The following ACER1 variants were observed in gnomAD, a reference collection of about 807,000 sequenced individuals.
ACER1 encodes the protein CTB-180A7.3.
A neutral mutation model predicts 24.9 loss-of-function variants in ACER1; 28 were observed. The ratio of observed to expected loss-of-function variants is 1.13; its 90% CI spans 0.83 to 1.54. The LOEUF is 1.54. Among genes scored for constraint, ACER1 ranks in the 40% most tolerant of loss-of-function variants. The probability of loss-of-function intolerance (pLI) is 0.00; values close to 1 mark genes in which losing one functional copy is unlikely to be tolerated. For missense variants in ACER1, 352 were observed against 349.3 expected, an observed-to-expected ratio of 1.01 and a Z score of -0.06; for synonymous variants, 132 against 131.4, an observed-to-expected ratio of 1.00 and a Z score of -0.03.
the ACER1 span, among the ~76,000 whole-genome samples, chr19:6,359,518 G>C: frequency 6.6e-6 from 1 of 151,928 alleles, no homozygotes; most frequent in Non-Finnish European, 1.5e-5. Flanking sequence ...GAGTTTCACT[G>C]TGTTGGTCAG....
the ACER1 span, among the ~76,000 whole-genome samples, chr19:6,347,218 CTTTT>C: frequency 7.6e-6 from 1 of 132,208 alleles, no homozygotes; most frequent in Non-Finnish European, 1.5e-5. Context: ...CTTTTCTTTT[CTTTT>C]TCTTTTTTTT....
At chr19:6,316,120 T>C (rs1402266385) in intron 1 of ACER1, among the ~76,000 whole-genome samples, 2 of 151,616 alleles carry the variant, frequency 1.3e-5, no homozygotes, top group African/African-American at 4.8e-5. Flanking sequence ...AGAACGAGAC[T>C]CCGTCTCAAA....
At chr19:6,313,137 A>C (rs1247822888) in intron 1 of ACER1, among the ~76,000 whole-genome samples, 2 of 151,834 alleles carry the variant, frequency 1.3e-5, no homozygotes, top group African/African-American at 2.4e-5. Flanking sequence ...TTTATTTTAC[A>C]GTCAGGATCT....
the ACER1 span, among the ~76,000 whole-genome samples, chr19:6,342,687 C>A: frequency 6.6e-6 from 1 of 151,394 alleles, no homozygotes; most frequent in Non-Finnish European, 1.5e-5. Context: ...CCACTGCACT[C>A]CAGTCTGAGC....
chr19:6,317,757 T>C (rs933091168), intron 1 of ACER1, among the ~76,000 whole-genome samples: 1 of 152,234 alleles, frequency 6.6e-6, no homozygotes, highest in East Asian at 1.9e-4. Context: ...TTTGTTTTTG[T>C]GTTTTTTTTC....
At chr19:6,345,898 A>T in the ACER1 span, among the ~76,000 whole-genome samples, 148,084 of 150,536 alleles carry the variant, frequency 0.98, 72,833 homozygotes, top group East Asian at 1. Flanking sequence ...TAATAATAAT[A>T]ATTATTATTA....
At chr19:6,335,426 T>C (rs1045505003), upstream of ACER1, among the ~76,000 whole-genome samples, 2 of 151,820 alleles carry the variant, frequency 1.3e-5, no homozygotes, top group African/African-American at 4.8e-5. Context: ...GGTTTCACCA[T>C]ATTGACCAGG....
intron 1 of ACER1, among the ~76,000 whole-genome samples, chr19:6,327,204 G>A (rs1383465193): frequency 6.6e-6 from 1 of 152,160 alleles, no homozygotes. Context: ...ATTGAGGCAG[G>A]CAGATCGCCT....
rs78590644 is a variant in ACER1 at position 6,333,522 on chromosome 19, G to A, written c.30C>T (p.Ser10=). 33,794 of 1,590,006 alleles carry A rather than the reference G, an allele frequency of 0.021. 666 individuals carry two copies. Among genetic ancestry groups the A allele is most frequent in the African/African-American group, 0.092 (6,887 of 74,620 alleles). ...AGTTGCTCTCACACCAGTCCACCTC[G>A]GAGCTCTGATAGGCGAAGATGCTAG... MPSIFAYQS[S]EVDWCESNFQ... Residue 10 remains serine (S), a synonymous_variant, in exon 1 of 6, where the codon TCC becomes TCT. Coordinates refer to ENST00000301452, the MANE Select transcript of ACER1 (RefSeq NM_133492.3).
At chr19:6,311,315 A>G (rs1219100617) in intron 3 of ACER1, among the ~76,000 whole-genome samples, 1 of 152,042 alleles carries the variant, frequency 6.6e-6, no homozygotes, top group Non-Finnish European at 1.5e-5. Flanking sequence ...AGGCCAAGGC[A>G]GGTGGATCAC....
At chr19:6,345,334 T>C in the ACER1 span, among the ~76,000 whole-genome samples, 1 of 152,210 alleles carries the variant, frequency 6.6e-6, no homozygotes, top group African/African-American at 2.4e-5. Context: ...CCAGGACCAG[T>C]TTTGTGCAAG....
chr19:6,348,778 C>A, the ACER1 span, among the ~76,000 whole-genome samples: 1 of 152,066 alleles, frequency 6.6e-6, no homozygotes, highest in African/African-American at 2.4e-5. Context: ...GCACGGCAGG[C>A]TGGGCATGGT....
the ACER1 span, among the ~76,000 whole-genome samples, chr19:6,357,739 G>C: frequency 6.6e-6 from 1 of 150,948 alleles, no homozygotes; most frequent in Admixed American, 6.6e-5. Context: ...CTCCAGCCTG[G>C]ATGACAGAGT....
chr19:6,324,340 GGC>G (rs964035478), intron 1 of ACER1, among the ~76,000 whole-genome samples: 2 of 148,650 alleles, frequency 1.3e-5, no homozygotes, highest in African/African-American at 5.0e-5. Context: ...CACCGCACTT[GGC>G]CTCTTTTTAA....
At chr19:6,354,650 T>C in the ACER1 span, among the ~76,000 whole-genome samples, 1 of 152,210 alleles carries the variant, frequency 6.6e-6, no homozygotes, top group Non-Finnish European at 1.5e-5. Flanking sequence ...CTGAGTGCAG[T>C]GGCTCACGCC....
At chr19:6,325,564 A>G (rs2091657005) in intron 1 of ACER1, among the ~76,000 whole-genome samples, 1 of 152,182 alleles carries the variant, frequency 6.6e-6, no homozygotes, top group Non-Finnish European at 1.5e-5. Flanking sequence ...GAGGCAGGAG[A>G]ATCACTTGAA....
intron 1 of ACER1, among the ~76,000 whole-genome samples, chr19:6,318,384 G>A (rs1394941169): frequency 1.3e-5 from 2 of 151,798 alleles, no homozygotes; most frequent in East Asian, 1.9e-4. Flanking sequence ...TAGGAGAATC[G>A]CTTGAACCTG....
chr19:6,307,815 G>C (rs1261737210), intron 4 of ACER1, among the ~76,000 whole-genome samples: 1 of 148,992 alleles, frequency 6.7e-6, no homozygotes, highest in Non-Finnish European at 1.5e-5. Flanking sequence ...GGCCGGGCGT[G>C]ATGGCTCACA....
chr19:6,343,536 G>T, the ACER1 span, among the ~76,000 whole-genome samples: 1 of 151,872 alleles, frequency 6.6e-6, no homozygotes, highest in South Asian at 2.1e-4. Context: ...CCAACTTGTG[G>T]CTCTAAATCC....
Sources: gnomAD v4.1 joint callset for allele counts (sites outside exome capture counted in the v4.1 genomes callset) on GRCh38, gnomAD v4.1.1 for gene constraint, MANE v1.5 for transcripts, NCBI Gene and HGNC (gene_info 2026-07-23, HGNC 2026-07-21) for gene names.